The following ERBB4 variants were observed in gnomAD, a reference collection of about 807,000 sequenced individuals.
The protein encoded by ERBB4 is erb-b2 receptor tyrosine kinase 4.
In ERBB4, 42 loss-of-function variants were observed where a neutral mutation model predicts 158.0. The ratio of observed to expected loss-of-function variants is 0.27; its 90% CI spans 0.21 to 0.34. The LOEUF (loss-of-function observed/expected upper bound fraction) is 0.34. Ranked by LOEUF, ERBB4 falls within the 10% of genes least tolerant of loss-of-function variation. The probability of loss-of-function intolerance (pLI) is 1.00; values close to 1 mark genes in which losing one functional copy is unlikely to be tolerated. For synonymous variants in ERBB4, 583 were observed against 558.7 expected (o/e 1.04, Z -0.61); for missense variants, 1,333 against 1,624.1 (o/e 0.82, Z 3.08).
chr2:212,427,896 A>C (rs1012641163), intron 1 of ERBB4, among the ~76,000 whole-genome samples: 1 of 152,162 alleles, frequency 6.6e-6, no homozygotes, highest in Non-Finnish European at 1.5e-5. Flanking sequence ...CTAGAGGAAG[A>C]AGAGGGATTG....
rs76875965 is a variant in ERBB4 at position 212,337,656 on chromosome 2, C to T, written c.82+200793G>A. Among the ~76,000 whole-genome samples, 1,092 of 152,176 alleles carry T rather than the reference C, an allele frequency of 7.2e-3. 8 individuals are homozygous for T. The highest frequency in any genetic ancestry group is 0.013 in the Non-Finnish European group (862 of 67,980). ...CTGAGAATGTGCATTTTGGCAAATACCTCTCGCATATCTAATGCAATCTGA... is the reference window on the plus strand; with the variant it reads ...CTGAGAATGTGCATTTTGGCAAATATCTCTCGCATATCTAATGCAATCTGA... On this transcript the variant is annotated intron_variant, in intron 1 of 27. Transcript: ENST00000342788.
intron 1 of ERBB4, among the ~76,000 whole-genome samples, chr2:212,272,132 A>G (rs1181792985): frequency 1.3e-5 from 2 of 151,724 alleles, no homozygotes; most frequent in African/African-American, 4.8e-5. Context: ...TATAAGGCAA[A>G]TCTAAAATTT....
chr2:211,606,049 G>A (rs2068968976), intron 19 of ERBB4, among the ~76,000 whole-genome samples: 1 of 151,924 alleles, frequency 6.6e-6, no homozygotes, highest in Admixed American at 6.6e-5. Context: ...ATTCACCCAG[G>A]AGTTTAAATT....
At chr2:212,431,723 G>A (rs2092034392) in intron 1 of ERBB4, among the ~76,000 whole-genome samples, 1 of 152,048 alleles carries the variant, frequency 6.6e-6, no homozygotes, top group Non-Finnish European at 1.5e-5. Flanking sequence ...TCAACATATA[G>A]TGTTAACTGT....
intron 1 of ERBB4, among the ~76,000 whole-genome samples, chr2:212,264,196 G>A (rs993708842): frequency 2.6e-5 from 4 of 152,046 alleles, no homozygotes; most frequent in Admixed American, 1.3e-4. Flanking sequence ...TTGCATTCCT[G>A]TTAGCACAAA....
intron 1 of ERBB4, among the ~76,000 whole-genome samples, chr2:212,128,850 T>C (rs541938963): frequency 5.9e-4 from 90 of 152,256 alleles, no homozygotes; most frequent in African/African-American, 1.9e-3. Flanking sequence ...GAAGAAAAAG[T>C]TGATTCATGT....
rs556477383 is a variant in ERBB4, at chr2:212,272,836, T to C, written c.83-147933A>G. Among the ~76,000 whole-genome samples the C allele has an allele frequency of 1.1e-4, 16 of 151,878 alleles. No homozygotes were observed. The South Asian group carries it at 2.1e-3, about 20-fold the overall frequency. ...AAATTAAGAAAAAAATCAATTGAAC[T>C]TAGATTTCATTATTTATATTGAATA... On this transcript the variant is annotated intron_variant, in intron 1 of 27. Transcript: ENST00000342788.
chr2:212,425,448 T>C (rs1057040068), intron 1 of ERBB4, among the ~76,000 whole-genome samples: 3 of 128,850 alleles, frequency 2.3e-5, no homozygotes, highest in Non-Finnish European at 4.7e-5. Flanking sequence ...ATTTATACAA[T>C]AATCAGTATA....
intron 19 of ERBB4, among the ~76,000 whole-genome samples, chr2:211,615,585 G>A (rs1301516650): frequency 6.6e-6 from 1 of 152,082 alleles, no homozygotes; most frequent in Admixed American, 6.6e-5. Context: ...CAGAGTAACA[G>A]CCCTGGGTGA....
At chr2:212,076,530 A>G (rs1005415865) in intron 2 of ERBB4, among the ~76,000 whole-genome samples, 5 of 151,974 alleles carry the variant, frequency 3.3e-5, no homozygotes, top group Non-Finnish European at 5.9e-5. Context: ...TTAATGAGAG[A>G]GAGAGAAAAG....
chr2:212,538,468 C>T lies in ERBB4; in HGVS notation c.63G>A (p.Gln21=), dbSNP rs2229091. 2.2e-4 allele frequency: 355 copies of T among 1,613,958 alleles called. 2 individuals carry two copies. The African/African-American group carries it at 4.2e-3, about 19-fold the overall frequency. The part of the protein sequence containing the change: ...VSLLVAAGTV[Q]PSDSQSVCAG... The stretch of plus-strand genomic sequence containing the variant: ...ACCCACCTGACTGAGAATCGCTGGG[C>T]TGGACGGTCCCCGCCGCCACGAGAA... Residue 21 remains glutamine, a synonymous_variant, in exon 1 of 28, where the codon CAG becomes CAA. Coordinates refer to ENST00000342788, the MANE Select transcript of ERBB4 (RefSeq NM_005235.3).
chr2:211,768,363 C>G (rs970793270), intron 4 of ERBB4, among the ~76,000 whole-genome samples: 1 of 152,142 alleles, frequency 6.6e-6, no homozygotes, highest in Admixed American at 6.6e-5. Context: ...ATTCTGGGGT[C>G]CAAAGGATGG....
intron 1 of ERBB4, among the ~76,000 whole-genome samples, chr2:212,182,556 T>C (rs1381195273): frequency 6.6e-6 from 1 of 151,838 alleles, no homozygotes; most frequent in Admixed American, 6.6e-5. Flanking sequence ...AAAATGATGC[T>C]CTGAACTGTT....
intron 1 of ERBB4, among the ~76,000 whole-genome samples, chr2:212,128,392 T>G (rs1443256540): frequency 6.6e-6 from 1 of 152,188 alleles, no homozygotes; most frequent in Admixed American, 6.5e-5. Flanking sequence ...GGTTGAAGCC[T>G]GACTTTGCCT....
intron 19 of ERBB4, among the ~76,000 whole-genome samples, chr2:211,595,699 T>C (rs2068609123): frequency 6.6e-6 from 1 of 152,092 alleles, no homozygotes; most frequent in Admixed American, 6.5e-5. Context: ...CAATTACAGG[T>C]GGATTTTTGT....
chr2:212,419,316 T>A (rs928336672), intron 1 of ERBB4, among the ~76,000 whole-genome samples: 7 of 152,082 alleles, frequency 4.6e-5, no homozygotes, highest in Non-Finnish European at 1.0e-4. Flanking sequence ...AAGAGTTGCC[T>A]GCATTTGAAA....
intron 2 of ERBB4, among the ~76,000 whole-genome samples, chr2:212,003,112 A>AGAAGGAAG (rs1217270481): frequency 0.024 from 1,142 of 48,162 alleles, 176 homozygotes; most frequent in East Asian, 0.08. Context: ...AAAGAAAGAA[A>AGAAGGAAG]GAAGGAAGGA....
At chr2:211,395,770 C>T (rs557704825) in intron 25 of ERBB4, among the ~76,000 whole-genome samples, 2 of 151,934 alleles carry the variant, frequency 1.3e-5, no homozygotes, top group Admixed American at 6.6e-5. Context: ...TTGCCCTTCA[C>T]AGAGAAGAGA....
At chr2:212,242,780 T>C (rs1391595207) in intron 1 of ERBB4, among the ~76,000 whole-genome samples, 2 of 152,236 alleles carry the variant, frequency 1.3e-5, no homozygotes, top group African/African-American at 2.4e-5. Context: ...AGCATTTAAA[T>C]TGTGGCACTA....
Sources: allele counts gnomAD v4.1 joint callset (sites outside exome capture counted in the v4.1 genomes callset), GRCh38; gene constraint gnomAD v4.1.1; transcripts MANE v1.5; gene names NCBI Gene and HGNC (gene_info 2026-07-23, HGNC 2026-07-21).